The following FOXK1 variants were observed in gnomAD, a reference collection of about 807,000 sequenced individuals.
FOXK1 encodes forkhead box K1, also known as forkhead box protein K1.
FOXK1 carries 19 observed loss-of-function variants against 51.9 expected under a neutral mutation model. The observed-to-expected ratio is 0.37, with a 90% CI of 0.26 to 0.54. FOXK1 has a LOEUF of 0.54. Ranked by LOEUF, FOXK1 falls within the 20% of genes least tolerant of loss-of-function variation. The pLI is 0.87. For missense variants in FOXK1, 870 were observed against 1,032.7 expected, an observed-to-expected ratio of 0.84 and a Z score of 2.16; for synonymous variants, 537 against 482.6, an observed-to-expected ratio of 1.11 and a Z score of -1.48.
rs960291578 is a variant in FOXK1, at chr7:4,730,036, G to A, written c.561-10802G>A. Among the ~76,000 whole-genome samples the A allele has an allele frequency of 2.6e-5, 4 of 152,106 alleles. No homozygotes were observed. Among genetic ancestry groups the A allele is most frequent in the African/African-American group, 9.7e-5 (4 of 41,416 alleles). ...AAAAGGAAAAAGAAAGCCCGGCTTC[G>A]GTCAGACCGTTGTCTGCGTTTTTCA... On this transcript the variant is annotated intron_variant, in intron 1 of 8. Transcript: ENST00000328914. This position sits in a 1 kb window ranked among gnomAD's most constrained non-coding sequence, Gnocchi z 4.7.
In FOXK1 at chr7:4,709,691, A is replaced by C. The variant is rs1453392193; in HGVS notation, c.560+26823A>C. Reference sequence around the variant, plus strand: ...CGTAATTCACATGATACAAAACGTCAAATTGCGTTTTACGCCATTGGTTTG... The same window carrying C: ...CGTAATTCACATGATACAAAACGTCCAATTGCGTTTTACGCCATTGGTTTG... On this transcript the variant is annotated intron_variant, in intron 1 of 8. Coordinates refer to ENST00000328914, the MANE Select transcript of FOXK1 (RefSeq NM_001037165.2). This position sits in a 1 kb window ranked among gnomAD's most constrained non-coding sequence, Gnocchi z 5.6. Among the ~76,000 whole-genome samples, 1 of 152,230 alleles carries C rather than the reference A, an allele frequency of 6.6e-6. No individual in the cohort carries two copies. The highest frequency in any genetic ancestry group is 1.5e-5 in the Non-Finnish European group (1 of 68,032).
At chr7:4,689,574 C>G (rs1779867154) in intron 1 of FOXK1, among the ~76,000 whole-genome samples, 1 of 152,192 alleles carries the variant, frequency 6.6e-6, no homozygotes, top group South Asian at 2.1e-4. Flanking sequence ...CGCATGTTAC[C>G]TGTCTGACCT....
At position 4,762,106 on chromosome 7, in the gene FOXK1, C is replaced by A; in HGVS notation, c.1922-78C>A. The A allele has an allele frequency of 1.4e-6, 2 of 1,470,350 alleles. No individual in the cohort carries two copies. Among genetic ancestry groups the A allele is most frequent in the Non-Finnish European group, 9.1e-7 (1 of 1,096,338 alleles). The allele number at this position is 1,470,350 out of a possible 1,614,324, so 91.1% of individuals were successfully genotyped here. ...CTCCGGTTCCGGCTTGGTGGCTTAGCCCCTGTATAGGGGACTTGAAAAAAG... is the reference window on the plus strand; with the variant it reads ...CTCCGGTTCCGGCTTGGTGGCTTAGACCCTGTATAGGGGACTTGAAAAAAG... On this transcript the variant is annotated intron_variant, in intron 8 of 8. Transcript: ENST00000328914. The surrounding 1 kb of genome is among the most constrained non-coding windows in gnomAD (Gnocchi z 5.7).
Position 4,682,459 on chromosome 7 carries a change from G to C in FOXK1, c.151G>C (p.Gly51Arg), listed in dbSNP as rs1779759270. ...CCCCGCGCAGCCCCAGCCTCCGCCCGGGCCGCCGCCGCCGCCGCCACCGCC... is the reference window on the plus strand; with the variant it reads ...CCCCGCGCAGCCCCAGCCTCCGCCCCGGCCGCCGCCGCCGCCGCCACCGCC... The part of the protein sequence containing the change: ...PAPAQPQPPP[G>R]PPPPPPPPLP... Residue 51 changes from glycine to arginine, a missense_variant, in exon 1 of 9, where the codon GGG becomes CGG. By Grantham distance (125) the Gly-to-Arg change is moderately radical. Coordinates refer to ENST00000328914, the MANE Select transcript of FOXK1 (RefSeq NM_001037165.2). This position sits in a 1 kb window ranked among gnomAD's most constrained non-coding sequence, Gnocchi z 7.6. 2 of 982,422 alleles carry C rather than the reference G, an allele frequency of 2.0e-6. No individual in the cohort carries two copies. The highest frequency in any genetic ancestry group is 2.4e-6 in the Non-Finnish European group (2 of 830,174). 60.9% of individuals were successfully genotyped at this position (982,422 alleles called of 1,614,324 possible).
rs775202319 is a variant in FOXK1 at position 4,733,779 on chromosome 7, C to T, written c.561-7059C>T. On this transcript the variant is annotated intron_variant, in intron 1 of 8. Coordinates refer to ENST00000328914, the MANE Select transcript of FOXK1 (RefSeq NM_001037165.2). This position sits in a 1 kb window ranked among gnomAD's most constrained non-coding sequence, Gnocchi z 5.0. Reference sequence around the variant, plus strand: ...GCTCTTGGGTCTGCTGTTTCTCTCACGGGAGAGGCTGCTCTGAGGTCCCCG... The same window carrying T: ...GCTCTTGGGTCTGCTGTTTCTCTCATGGGAGAGGCTGCTCTGAGGTCCCCG... Among the ~76,000 whole-genome samples, 23 of 152,216 alleles carry T rather than the reference C, an allele frequency of 1.5e-4. No homozygotes were observed. The highest frequency in any genetic ancestry group is 2.2e-4 in the Non-Finnish European group (15 of 68,040).
In FOXK1 at chr7:4,682,320, C is replaced by A; in HGVS notation, c.12C>A (p.Val4=). 1.0e-6 allele frequency: 1 copy of A among 992,512 alleles called. No homozygotes were observed. The highest frequency in any genetic ancestry group is 4.4e-5 in the South Asian group (1 of 22,970). 61.5% of individuals were successfully genotyped at this position (992,512 alleles called of 1,614,324 possible). The change falls in exon 1 of 9, where the codon GTC becomes GTA. Residue 4 remains valine (V), a synonymous_variant. Coordinates refer to ENST00000328914, the MANE Select transcript of FOXK1 (RefSeq NM_001037165.2). This position sits in a 1 kb window ranked among gnomAD's most constrained non-coding sequence, Gnocchi z 7.6. MAE[V]GEDSGARALL... is the part of the protein sequence containing the mutation. ...GGAGCCGCGCGAACATGGCCGAAGTCGGCGAGGACAGCGGCGCCCGCGCCC... is the reference window on the plus strand; with the variant it reads ...GGAGCCGCGCGAACATGGCCGAAGTAGGCGAGGACAGCGGCGCCCGCGCCC...
In FOXK1 at chr7:4,683,243, C is replaced by T. The variant is rs2115024796; in HGVS notation, c.560+375C>T. 6.6e-6 allele frequency among the ~76,000 whole-genome samples: 1 copy of T among 151,656 alleles called. No individual in the cohort carries two copies. Among genetic ancestry groups the T allele is most frequent in the South Asian group, 2.1e-4 (1 of 4,798 alleles). ...ACCGGCCTGGGCTCCTGGAGCCACC[C>T]ATACCCCAAGCCCATCTGGCTGGGC... On this transcript the variant is annotated intron_variant, in intron 1 of 8. Coordinates refer to ENST00000328914, the MANE Select transcript of FOXK1 (RefSeq NM_001037165.2). This position sits in a 1 kb window ranked among gnomAD's most constrained non-coding sequence, Gnocchi z 4.5.
At position 4,733,552 on chromosome 7, in the gene FOXK1, C is replaced by G. The variant is rs796537358; in HGVS notation, c.561-7286C>G. On this transcript the variant is annotated intron_variant, in intron 1 of 8. Coordinates refer to ENST00000328914, the MANE Select transcript of FOXK1 (RefSeq NM_001037165.2). This position sits in a 1 kb window ranked among gnomAD's most constrained non-coding sequence, Gnocchi z 5.0. Reference sequence around the variant, plus strand: ...TATCCCATTGACCAGCTCATAGTCTCATGGTTGCAAGAGGGGCAGAGAAAC... The same window carrying G: ...TATCCCATTGACCAGCTCATAGTCTGATGGTTGCAAGAGGGGCAGAGAAAC... 1.1e-4 allele frequency among the ~76,000 whole-genome samples: 16 copies of G among 152,314 alleles called. No individual in the cohort carries two copies. The highest frequency in any genetic ancestry group is 3.8e-4 in the African/African-American group (16 of 41,574).
chr7:4,770,865 GT>G lies in FOXK1; in HGVS notation c.*8402del, dbSNP rs1418082142. Reference sequence around the variant, plus strand: ...ATTTGGGAGGGGCGGGTGTTGTTCGGTGTGTGTGTGTGTGTGTGTGTGTGTG... The same window carrying G: ...ATTTGGGAGGGGCGGGTGTTGTTCGGGTGTGTGTGTGTGTGTGTGTGTGTG... On this transcript the variant is annotated 3_prime_UTR_variant, in exon 9 of 9. Coordinates refer to ENST00000328914, the MANE Select transcript of FOXK1 (RefSeq NM_001037165.2). The G allele has an allele frequency of 9.3e-4, 16 of 17,230 alleles. No individual in the cohort carries two copies. The highest frequency in any genetic ancestry group is 2.2e-3 in the South Asian group (1 of 454). The allele number at this position is 17,230 out of a possible 1,614,324, so 1.1% of individuals were successfully genotyped here. A position where few individuals can be genotyped will look rare whatever the true frequency, so the allele number is the denominator to read the frequency against.
chr7:4,728,617 G>C (rs934892390), intron 1 of FOXK1, among the ~76,000 whole-genome samples: 1 of 151,706 alleles, frequency 6.6e-6, no homozygotes, highest in Non-Finnish European at 1.5e-5. Flanking sequence ...CCAGCTAGGC[G>C]TGGTGGTGCA....
At chr7:4,727,141 G>A (rs1460051347) in intron 1 of FOXK1, among the ~76,000 whole-genome samples, 3 of 151,390 alleles carry the variant, frequency 2.0e-5, no homozygotes, top group African/African-American at 7.3e-5. Flanking sequence ...TTGTAGAGAC[G>A]GGGTCTCACT....
intron 1 of FOXK1, among the ~76,000 whole-genome samples, chr7:4,695,691 C>G (rs113850374): frequency 0.089 from 13,593 of 152,148 alleles, 661 homozygotes; most frequent in African/African-American, 0.12. Context: ...AATCCCAGCA[C>G]TTTGGGAGGC....
At chr7:4,706,023 CGT>C (rs376575852) in intron 1 of FOXK1, among the ~76,000 whole-genome samples, 1,354 of 92,910 alleles carry the variant, frequency 0.015, 129 homozygotes, top group African/African-American at 0.098. Flanking sequence ...CGTATATATA[CGT>C]GTATATACGT....
intron 1 of FOXK1, among the ~76,000 whole-genome samples, chr7:4,736,544 C>T (rs761135519): frequency 5.9e-5 from 9 of 151,876 alleles, no homozygotes; most frequent in Non-Finnish European, 1.2e-4. Context: ...TCCCGAGTAG[C>T]TGGGATTACA....
At chr7:4,691,854 C>T (rs1400039667) in intron 1 of FOXK1, among the ~76,000 whole-genome samples, 1 of 152,158 alleles carries the variant, frequency 6.6e-6, no homozygotes, top group African/African-American at 2.4e-5. Flanking sequence ...TGAAGCTGTC[C>T]TCTAACCTGT....
At chr7:4,693,255 G>A (rs1041546229) in intron 1 of FOXK1, among the ~76,000 whole-genome samples, 5 of 152,006 alleles carry the variant, frequency 3.3e-5, no homozygotes, top group African/African-American at 9.7e-5. Context: ...TGATCCCTTC[G>A]AACCCAATAA....
Position 4,766,753 on chromosome 7 carries a change from G to T in FOXK1, c.*4289G>T, listed in dbSNP as rs185007004. On this transcript the variant is annotated 3_prime_UTR_variant, in exon 9 of 9. Transcript: ENST00000328914. This position sits in a 1 kb window ranked among gnomAD's most constrained non-coding sequence, Gnocchi z 5.5. ...CTGGGTCCATTTTCTGTACTGGTTTGAGATCACAGGCATCATTCAGCGAAT... is the reference window on the plus strand; with the variant it reads ...CTGGGTCCATTTTCTGTACTGGTTTTAGATCACAGGCATCATTCAGCGAAT... 6.6e-6 allele frequency: 1 copy of T among 152,320 alleles called. No individual in the cohort carries two copies. Among genetic ancestry groups the T allele is most frequent in the South Asian group, 2.1e-4 (1 of 4,824 alleles). 9.4% of individuals were successfully genotyped at this position (152,320 alleles called of 1,614,324 possible). A position where few individuals can be genotyped will look rare whatever the true frequency, so the allele number is the denominator to read the frequency against.
rs1272981425 is a variant in FOXK1 at position 4,753,277 on chromosome 7, C to T, written c.747-1182C>T. On this transcript the variant is annotated intron_variant, in intron 2 of 8. Coordinates refer to ENST00000328914, the MANE Select transcript of FOXK1 (RefSeq NM_001037165.2). The surrounding 1 kb of genome is among the most constrained non-coding windows in gnomAD (Gnocchi z 4.9). ...AAATGTTTCTTGAGCCCCGCCTGCA[C>T]CCAAGGGGGCTCCTACTTAACCTAA... Among the ~76,000 whole-genome samples the T allele has an allele frequency of 6.6e-6, 1 of 152,192 alleles. No homozygotes were observed. The highest frequency in any genetic ancestry group is 2.4e-5 in the African/African-American group (1 of 41,456).
chr7:4,726,651 G>A (rs1780384832), intron 1 of FOXK1, among the ~76,000 whole-genome samples: 1 of 151,866 alleles, frequency 6.6e-6, no homozygotes, highest in Non-Finnish European at 1.5e-5. Context: ...CTGGGCCTTG[G>A]AGGTGCCTGA....
Sources: gnomAD v4.1 joint callset for allele counts (sites outside exome capture counted in the v4.1 genomes callset) on GRCh38, gnomAD v4.1.1 for gene constraint, Gnocchi (gnomAD v3.1) non-coding constraint, MANE v1.5 for transcripts, NCBI Gene and HGNC (gene_info 2026-07-23, HGNC 2026-07-21) for gene names.